The following STK3 variants were observed in gnomAD, a reference collection of about 807,000 sequenced individuals.
STK3 encodes the protein serine/threonine-protein kinase 3.
A neutral mutation model predicts 58.0 loss-of-function variants in STK3; 41 were observed. The ratio of observed to expected loss-of-function variants is 0.71; its 90% CI spans 0.55 to 0.92. STK3 has a LOEUF of 0.92. STK3 is among the 40% of genes least tolerant of loss of function. The pLI, the probability that STK3 is intolerant of heterozygous loss-of-function variation, is 0.00. For synonymous variants in STK3, 170 were observed against 191.0 expected, an observed-to-expected ratio of 0.89 and a Z score of 0.91; for missense variants, 479 against 602.7, an observed-to-expected ratio of 0.79 and a Z score of 2.15.
chr8:98,577,485 T>C (rs966390164), intron 8 of STK3, among the ~76,000 whole-genome samples: 1 of 152,006 alleles, frequency 6.6e-6, no homozygotes, highest in Non-Finnish European at 1.5e-5. Flanking sequence ...AGACTCGGTC[T>C]CAAAAACAAA....
chr8:98,893,445 A>G (rs1252925487), intron 1 of STK3, among the ~76,000 whole-genome samples: 1 of 93,996 alleles, frequency 1.1e-5, no homozygotes, highest in Non-Finnish European at 2.0e-5. Context: ...AAAGAAAGAA[A>G]GAAAGAAAGA....
At chr8:98,658,289 A>G (rs1481949155) in intron 6 of STK3, among the ~76,000 whole-genome samples, 1 of 152,022 alleles carries the variant, frequency 6.6e-6, no homozygotes, top group Admixed American at 6.6e-5. Context: ...GGAGCAAAAT[A>G]TGCTTGATTC....
chr8:98,627,334 T>C (rs1278973070), intron 6 of STK3, among the ~76,000 whole-genome samples: 1 of 152,008 alleles, frequency 6.6e-6, no homozygotes. Context: ...GCCAACATGG[T>C]GAAACCCTGT....
chr8:98,569,745 C>T (rs1201717380), intron 8 of STK3, among the ~76,000 whole-genome samples: 6 of 151,782 alleles, frequency 4.0e-5, no homozygotes, highest in Non-Finnish European at 8.8e-5. Flanking sequence ...ATTGTGATTA[C>T]ATAGGAAAAA....
intron 10 of STK3, among the ~76,000 whole-genome samples, chr8:98,509,563 AC>A (rs1204339250): frequency 6.6e-6 from 1 of 151,956 alleles, no homozygotes; most frequent in African/African-American, 2.4e-5. Context: ...AAAGAATCCT[AC>A]CTAGTAATCG....
At chr8:98,538,079 T>C (rs1317480689) in intron 9 of STK3, among the ~76,000 whole-genome samples, 1 of 152,184 alleles carries the variant, frequency 6.6e-6, no homozygotes, top group Non-Finnish European at 1.5e-5. Context: ...ATGACAAAGA[T>C]ATTCAAGTTT....
chr8:98,408,708 G>A (rs1818024056), intron 3 of STK3, among the ~76,000 whole-genome samples: 1 of 152,258 alleles, frequency 6.6e-6, no homozygotes, highest in Non-Finnish European at 1.5e-5. Context: ...CAAAGCCAGA[G>A]GCTGGCTGGC....
Position 98,428,960 on chromosome 8 carries a change from A to G in STK3, n.483+5167T>C. ...GGGCCACTTTGAAATACAGCTACAA[A>G]GAAGTAGGGCTGCTCTTGCTCTACC... On this transcript the variant is annotated intron_variant and non_coding_transcript_variant, in intron 3 of 3. Coordinates refer to the STK3 transcript ENST00000517832. The surrounding 1 kb of genome is among the most constrained non-coding windows in gnomAD (Gnocchi z 6.7). 2 of 1,614,056 alleles carry G rather than the reference A, an allele frequency of 1.2e-6. No homozygotes were observed. Among genetic ancestry groups the G allele is most frequent in the Non-Finnish European group, 1.7e-6 (2 of 1,180,004 alleles).
intron 9 of STK3, among the ~76,000 whole-genome samples, chr8:98,537,148 TATTAACC>T (rs1490984445): frequency 6.6e-6 from 1 of 152,234 alleles, no homozygotes; most frequent in Non-Finnish European, 1.5e-5. Context: ...AACAAGATAC[TATTAACC>T]AAGATATGTT....
intron 1 of STK3, among the ~76,000 whole-genome samples, chr8:98,893,490 A>AGGAAAG (rs1564087341): frequency 1.2e-4 from 10 of 82,622 alleles, no homozygotes; most frequent in Non-Finnish European, 2.3e-4. Context: ...AAGAAAGAGA[A>AGGAAAG]AGAAAGAAAG....
chr8:98,445,315 A>C (rs1818892205), intron 1 of STK3, among the ~76,000 whole-genome samples: 1 of 152,196 alleles, frequency 6.6e-6, no homozygotes, highest in Admixed American at 6.5e-5. Context: ...GTCACTGTCA[A>C]ATAGAAATGT....
rs1312960709 is a variant in STK3 at position 98,620,373 on chromosome 8, G to A, written c.685-24204C>T. 6.4e-5 allele frequency among the ~76,000 whole-genome samples: 9 copies of A among 141,150 alleles called. No homozygotes were observed. The East Asian group carries it at 1.7e-3, about 26-fold the overall frequency. 92.6% of individuals were successfully genotyped at this position (141,150 alleles called of 152,430 possible). On this transcript the variant is annotated intron_variant, in intron 6 of 10. Coordinates refer to ENST00000419617, the MANE Select transcript of STK3 (RefSeq NM_006281.4). ...GGAGATATACCTAATGCTAGATGAC[G>A]AGTTAGTGGGTGCAGCACACCAGCA...
At position 98,800,983 on chromosome 8, in the gene STK3, C is replaced by T. The variant is rs1300301180; in HGVS notation, c.26+24532G>A. On this transcript the variant is annotated intron_variant, in intron 1 of 10. Coordinates refer to ENST00000419617, the MANE Select transcript of STK3 (RefSeq NM_006281.4). This position sits in a 1 kb window ranked among gnomAD's most constrained non-coding sequence, Gnocchi z 4.8. ...GGCTGAGGAGTGCAGGCGCACAGTGCGGGACTGGCAGGCAGCTCCACCCGT... is the reference window on the plus strand; with the variant it reads ...GGCTGAGGAGTGCAGGCGCACAGTGTGGGACTGGCAGGCAGCTCCACCCGT... Among the ~76,000 whole-genome samples, 2 of 152,222 alleles carry T rather than the reference C, an allele frequency of 1.3e-5. No individual in the cohort carries two copies. The highest frequency in any genetic ancestry group is 4.8e-5 in the African/African-American group (2 of 41,460).
intron 1 of STK3, among the ~76,000 whole-genome samples, chr8:98,381,311 T>C (rs1227971742): frequency 6.6e-6 from 1 of 152,160 alleles, no homozygotes; most frequent in African/African-American, 2.4e-5. Context: ...TTGACCCACA[T>C]TTTTACTCCA....
intron 1 of STK3, among the ~76,000 whole-genome samples, chr8:98,798,947 T>C (rs910177253): frequency 5.3e-5 from 8 of 152,186 alleles, no homozygotes; most frequent in African/African-American, 1.7e-4. Flanking sequence ...CCAGAGGATA[T>C]AGCAACAAGA....
At chr8:98,778,591 T>C (rs1831877080) in intron 1 of STK3, among the ~76,000 whole-genome samples, 1 of 152,012 alleles carries the variant, frequency 6.6e-6, no homozygotes, top group African/African-American at 2.4e-5. Context: ...GTATGTTTAT[T>C]GCGGCACTAT....
intron 6 of STK3, among the ~76,000 whole-genome samples, chr8:98,626,099 C>T (rs536287073): frequency 2.4e-4 from 37 of 152,276 alleles, no homozygotes; most frequent in African/African-American, 7.5e-4. Context: ...GCCATAAAGG[C>T]AGCAGCAGGA....
At chr8:98,660,639 T>G (rs1821897163) in intron 6 of STK3, among the ~76,000 whole-genome samples, 1 of 152,018 alleles carries the variant, frequency 6.6e-6, no homozygotes, top group Non-Finnish European at 1.5e-5. Flanking sequence ...TCAACTTTAT[T>G]TCTTAAAACT....
intron 3 of STK3, among the ~76,000 whole-genome samples, chr8:98,414,284 AT>A (rs1282305246): frequency 1.3e-5 from 2 of 152,176 alleles, no homozygotes; most frequent in African/African-American, 2.4e-5. Context: ...TAATAAAAAA[AT>A]AAAATAAAAT....
Sources: allele counts gnomAD v4.1 joint callset (sites outside exome capture counted in the v4.1 genomes callset), GRCh38; gene constraint gnomAD v4.1.1; non-coding constraint Gnocchi (gnomAD v3.1); transcripts MANE v1.5; gene names NCBI Gene and HGNC (gene_info 2026-07-23, HGNC 2026-07-21).